Variants in MAD1L1 observed in about 807,000 individuals in gnomAD.
The protein encoded by MAD1L1 is mitotic spindle assembly checkpoint protein MAD1.
MAD1L1 carries 95 observed loss-of-function variants against 96.9 expected under a neutral mutation model. The observed-to-expected ratio is 0.98, with a 90% CI of 0.83 to 1.16. The LOEUF is 1.16. MAD1L1 is among the 50% of genes most tolerant of loss of function. The pLI, the probability that MAD1L1 is intolerant of heterozygous loss-of-function variation, is 0.00. For missense variants in MAD1L1, 1,007 were observed against 954.4 expected (o/e 1.06, Z -0.73); for synonymous variants, 473 against 396.6 (o/e 1.19, Z -2.29).
intron 11 of MAD1L1, among the ~76,000 whole-genome samples, chr7:2,092,484 C>A (rs1786267278): frequency 6.6e-6 from 1 of 152,060 alleles, no homozygotes; most frequent in Admixed American, 6.6e-5. Context: ...TTCAACCACG[C>A]CCCGCCTAAG....
At chr7:2,118,831 G>A (rs1787842637) in intron 11 of MAD1L1, among the ~76,000 whole-genome samples, 1 of 152,196 alleles carries the variant, frequency 6.6e-6, no homozygotes, top group Non-Finnish European at 1.5e-5. Flanking sequence ...GTGACGTGAG[G>A]CACGCGCAGA....
intron 13 of MAD1L1, among the ~76,000 whole-genome samples, chr7:2,004,347 C>T (rs992065489): frequency 1.3e-5 from 2 of 152,246 alleles, no homozygotes; most frequent in South Asian, 2.1e-4. Context: ...CCGCCACACC[C>T]GGCACACTGT....
chr7:2,187,814 A>G (rs1055158385), intron 10 of MAD1L1, among the ~76,000 whole-genome samples: 1 of 152,236 alleles, frequency 6.6e-6, no homozygotes, highest in Non-Finnish European at 1.5e-5. Context: ...CTAACTGACC[A>G]ACAATAGTTA....
At chr7:2,118,466 G>A (rs1004036998) in intron 11 of MAD1L1, among the ~76,000 whole-genome samples, 8 of 152,250 alleles carry the variant, frequency 5.3e-5, no homozygotes, top group African/African-American at 1.9e-4. Context: ...GGCCGTGTGG[G>A]CGCGGTGAGC....
rs376415280 is a variant in MAD1L1, at chr7:1,839,367, T to C, written c.1999-23139A>G. Among the ~76,000 whole-genome samples, 5 of 151,616 alleles carry C rather than the reference T, an allele frequency of 3.3e-5. No individual in the cohort carries two copies. The East Asian group carries it at 5.9e-4, about 18-fold the overall frequency. On this transcript the variant is annotated intron_variant, in intron 18 of 18. Coordinates refer to ENST00000265854, the MANE Select transcript of MAD1L1 (RefSeq NM_001013836.2). ...CCCCCTGCCTGGCAGGAAAGCGTCC[T>C]GCCCCCTGCCTGGCAGGAAAGCATC... is the stretch of plus-strand genomic sequence containing the variant.
chr7:2,150,901 G>A (rs1386312126), intron 10 of MAD1L1, among the ~76,000 whole-genome samples: 2 of 152,256 alleles, frequency 1.3e-5, no homozygotes, highest in Non-Finnish European at 2.9e-5. Context: ...GGTGCAGAAG[G>A]AGTAGCTGGC....
chr7:1,929,540 G>A (rs930234183), intron 17 of MAD1L1, among the ~76,000 whole-genome samples: 1 of 152,126 alleles, frequency 6.6e-6, no homozygotes, highest in Non-Finnish European at 1.5e-5. Context: ...TCACAAGGGT[G>A]TTCCTGCCTG....
Position 2,230,058 on chromosome 7 carries a change from CCACACGCTGAGAGATGAAG to C in MAD1L1, c.57_75del (p.Asn19LysfsTer52). 6.2e-7 allele frequency: 1 copy of C among 1,613,604 alleles called. No homozygotes were observed. Among genetic ancestry groups the C allele is most frequent in the Non-Finnish European group, 8.5e-7 (1 of 1,179,814 alleles). ...GAAATATCCAGTCCAGAGCCTCCCTCCACACGCTGAGAGATGAAGTTGTTCAAAGATCTCAGGGTGGATA... is the reference window on the plus strand; with the variant it reads ...GAAATATCCAGTCCAGAGCCTCCCTCTTGTTCAAAGATCTCAGGGTGGATA... On this transcript the variant is annotated frameshift_variant, in exon 3 of 19. Transcript: ENST00000265854. LOFTEE classifies it high-confidence loss of function.
intron 10 of MAD1L1, among the ~76,000 whole-genome samples, chr7:2,180,195 G>A (rs530989249): frequency 4.6e-5 from 7 of 152,254 alleles, no homozygotes; most frequent in Admixed American, 1.3e-4. Context: ...GGCCATGTCC[G>A]TGCATGTTGC....
chr7:1,951,308 A>C (rs1779486017), intron 16 of MAD1L1, among the ~76,000 whole-genome samples: 1 of 152,236 alleles, frequency 6.6e-6, no homozygotes, highest in South Asian at 2.1e-4. Flanking sequence ...GGAAGGCAGG[A>C]GTGACCGAAG....
intron 16 of MAD1L1, among the ~76,000 whole-genome samples, chr7:1,941,250 G>A (rs973980587): frequency 1.2e-4 from 19 of 152,302 alleles, no homozygotes; most frequent in Non-Finnish European, 1.9e-4. Context: ...AACGTTCAAC[G>A]TTCCACGGGC....
intron 15 of MAD1L1, among the ~76,000 whole-genome samples, chr7:1,974,035 C>A (rs1475512928): frequency 6.6e-6 from 1 of 152,190 alleles, no homozygotes; most frequent in Non-Finnish European, 1.5e-5. Flanking sequence ...AGGGCAGGAG[C>A]CTGCATGTCA....
chr7:1,972,091 G>C (rs1209894383), intron 15 of MAD1L1, among the ~76,000 whole-genome samples: 3 of 152,170 alleles, frequency 2.0e-5, no homozygotes, highest in African/African-American at 7.2e-5. Context: ...CCTGCCGCCA[G>C]CTCACAGACA....
chr7:2,220,984 T>C, intron 5 of MAD1L1: 1 of 1,612,370 alleles, frequency 6.2e-7, no homozygotes, highest in Non-Finnish European at 8.5e-7. Flanking sequence ...AAGAGGCGCA[T>C]AAGATAATTC....
intron 17 of MAD1L1, among the ~76,000 whole-genome samples, chr7:1,903,099 C>T (rs1312165907): frequency 2.0e-5 from 3 of 148,848 alleles, no homozygotes; most frequent in Non-Finnish European, 3.0e-5. Context: ...CTGTTCCAGG[C>T]AGCGAGGACG....
In MAD1L1 at chr7:1,871,055, C is replaced by T. The variant is rs527465171; in HGVS notation, c.1998+27145G>A. Among the ~76,000 whole-genome samples, 97 of 144,038 alleles carry T rather than the reference C, an allele frequency of 6.7e-4. 5 individuals carry two copies. Among genetic ancestry groups the T allele is most frequent in the East Asian group, 2.0e-3 (9 of 4,562 alleles). 94.5% of individuals were successfully genotyped at this position (144,038 alleles called of 152,430 possible). On this transcript the variant is annotated intron_variant, in intron 18 of 18. Transcript: ENST00000265854. ...CATACGCCTGCCACGTTGAACCTAC[C>T]GTAACACCTGCCATGCTGAACCCAA...
chr7:1,853,907 C>T (rs1279434429), intron 18 of MAD1L1, among the ~76,000 whole-genome samples: 3 of 152,192 alleles, frequency 2.0e-5, no homozygotes. Flanking sequence ...ATCAGAAAGT[C>T]CTGTCAGGAG....
intron 15 of MAD1L1, among the ~76,000 whole-genome samples, chr7:1,973,102 C>T (rs1780476623): frequency 6.6e-6 from 1 of 152,194 alleles, no homozygotes; most frequent in Non-Finnish European, 1.5e-5. Context: ...CAGGTGAATG[C>T]AGAGGCAAGA....
intron 18 of MAD1L1, among the ~76,000 whole-genome samples, chr7:1,884,056 G>C (rs1487404514): frequency 8.2e-6 from 1 of 121,746 alleles, no homozygotes; most frequent in Non-Finnish European, 1.7e-5. Context: ...AACCACGCCA[G>C]AGCGAGCAGC....
Sources: allele counts gnomAD v4.1 joint callset (sites outside exome capture counted in the v4.1 genomes callset), GRCh38; gene constraint gnomAD v4.1.1; transcripts MANE v1.5; gene names NCBI Gene and HGNC (gene_info 2026-07-23, HGNC 2026-07-21).